The following TONSL variants were observed in gnomAD, a reference collection of about 807,000 sequenced individuals.
TONSL encodes tonsoku like, DNA repair protein, also known as tonsoku-like protein.
In TONSL, 112 loss-of-function variants were observed where a neutral mutation model predicts 147.1. The ratio of observed to expected loss-of-function variants is 0.76; its 90% CI spans 0.65 to 0.89. The LOEUF is 0.89. Among genes scored for constraint, TONSL ranks in the 40% least tolerant of loss-of-function variants. The pLI is 0.00. For missense variants in TONSL, 1,883 were observed against 1,864.6 expected, an observed-to-expected ratio of 1.01 and a Z score of -0.18; for synonymous variants, 868 against 801.5, an observed-to-expected ratio of 1.08 and a Z score of -1.40.
chr8:144,441,360 AG>A, intron 7 of TONSL: 1 of 486,204 alleles, frequency 2.1e-6, no homozygotes, highest in East Asian at 3.6e-5. Flanking sequence ...TGGGAGGCCG[AG>A]GCGGGCAGAT....
rs752664651 is a variant in TONSL, at chr8:144,438,507, C to T, written c.1617G>A (p.Glu539=). ...GGTCCTGGACGCGGCGCAGCTGGCC[C>T]TCGATGCAGGCTCGGTGCAGCAGGG... is the stretch of plus-strand genomic sequence containing the variant. ...GETLLHRACI[E]GQLRRVQDLV... The change falls in exon 13 of 26, where the codon GAG becomes GAA. Residue 539 remains glutamate, a synonymous_variant. Coordinates refer to ENST00000409379, the MANE Select transcript of TONSL (RefSeq NM_013432.5). 2 of 1,613,178 alleles carry T rather than the reference C, an allele frequency of 1.2e-6. No homozygotes were observed. Among genetic ancestry groups the T allele is most frequent in the Non-Finnish European group, 1.7e-6 (2 of 1,179,964 alleles).
rs1294351283 is a variant in TONSL, at chr8:144,430,515, G to A, written c.3832C>T (p.Leu1278Phe). 1.9e-6 allele frequency: 3 copies of A among 1,612,914 alleles called. No homozygotes were observed. Among genetic ancestry groups the A allele is most frequent in the Non-Finnish European group, 2.5e-6 (3 of 1,179,542 alleles). The change falls in exon 25 of 26, where the codon CTC becomes TTC. Residue 1278 changes from leucine to phenylalanine, a missense_variant. Coordinates refer to ENST00000409379, the MANE Select transcript of TONSL (RefSeq NM_013432.5). ...TTGGCAGACAGATCCAGTGAGATGA[G>A]TGAGGGGCACAGAGAGAGACATCTG... ...LCRCLSLCPS[L>F]ISLDLSANPE...
rs140867880 is a variant in TONSL at position 144,434,227 on chromosome 8, C to T, written c.3138G>A (p.Ser1046=). 1.1e-4 allele frequency: 164 copies of T among 1,549,674 alleles called. No individual in the cohort carries two copies. The African/African-American group carries it at 1.6e-3, about 15-fold the overall frequency. ...CCAGGGCCAGGGAGCAGGCGCTGAA[C>T]GAGAGGCCCAAGCCCTGGAGCTCCA... is the stretch of plus-strand genomic sequence containing the variant. The part of the protein sequence containing the change: ...QAVELQGLGL[S]FSACSLALDQ... The change falls in exon 21 of 26, where the codon TCG becomes TCA. Residue 1046 remains serine (S), a synonymous_variant. Coordinates refer to ENST00000409379, the MANE Select transcript of TONSL (RefSeq NM_013432.5).
In TONSL at chr8:144,428,796, T is replaced by TA. The variant is rs199526109; in HGVS notation, c.*346_*347insT. 7,316 of 130,350 alleles carry TA rather than the reference T, an allele frequency of 0.056. 423 individuals carry two copies. The highest frequency in any genetic ancestry group is 0.22 in the East Asian group (1,361 of 6,324). 8.1% of individuals were successfully genotyped at this position (130,350 alleles called of 1,614,324 possible). A position where few individuals can be genotyped will look rare whatever the true frequency, so the allele number is the denominator to read the frequency against. ...GGCAGCAGCTTCATTTATTTTATTT[T>TA]TTTTTTTTTTTGAGACGGAGTCTCG... On this transcript the variant is annotated 3_prime_UTR_variant, in exon 26 of 26. Coordinates refer to ENST00000409379, the MANE Select transcript of TONSL (RefSeq NM_013432.5).
rs184800365 is a variant in TONSL, at chr8:144,438,855, G to C, written c.1481-120C>G. On this transcript the variant is annotated intron_variant, in intron 11 of 25. Coordinates refer to ENST00000409379, the MANE Select transcript of TONSL (RefSeq NM_013432.5). ...AAGGAGCCAGAGACGGGAGGGCTGA[G>C]CTCTGAGGCTGCTGGGCTCTGGGGG... 2.9e-6 allele frequency: 3 copies of C among 1,035,198 alleles called. No homozygotes were observed. In the East Asian group the frequency reaches 7.8e-5, roughly 27 times the overall value. 64.1% of individuals were successfully genotyped at this position (1,035,198 alleles called of 1,614,324 possible). A position where few individuals can be genotyped will look rare whatever the true frequency, so the allele number is the denominator to read the frequency against.
Position 144,442,664 on chromosome 8 carries a change from G to A in TONSL, c.578+13C>T, listed in dbSNP as rs2129696578. On this transcript the variant is annotated intron_variant, in intron 5 of 25. Transcript: ENST00000409379. The stretch of plus-strand genomic sequence containing the variant: ...GGGACTCCACTCCCTCCTGGGGCGG[G>A]GCAGGGCCTTACTCCGCAAGGAAGA... The A allele has an allele frequency of 6.2e-7, 1 of 1,611,094 alleles. No individual in the cohort carries two copies. The highest frequency in any genetic ancestry group is 8.5e-7 in the Non-Finnish European group (1 of 1,179,076).
At chr8:144,433,843 C>T in intron 21 of TONSL, 84 bp from the exon 22 acceptor site, 1 of 1,479,808 alleles carries the variant, frequency 6.8e-7, no homozygotes, top group Non-Finnish European at 9.0e-7. Flanking sequence ...CAGTCTCTTC[C>T]CCACCTTGCC....
chr8:144,432,046 T>C lies in TONSL; in HGVS notation c.3735+239A>G, dbSNP rs372540977. ...TTTCACCATGTTGGCCAGGCTGCTT[T>C]TGAACTCCTGACCTTGTGATCCACC... On this transcript the variant is annotated intron_variant, in intron 23 of 25. Coordinates refer to ENST00000409379, the MANE Select transcript of TONSL (RefSeq NM_013432.5). Among the ~76,000 whole-genome samples the C allele has an allele frequency of 2.6e-4, 39 of 152,032 alleles. No homozygotes were observed. The South Asian group carries it at 7.5e-3, about 29-fold the overall frequency.
chr8:144,435,537 G>A lies in TONSL; in HGVS notation c.2789C>T (p.Pro930Leu). The A allele has an allele frequency of 6.4e-7, 1 of 1,551,470 alleles. No homozygotes were observed. ...TTGAACTCGAACCCGGATGGGAGGG[G>A]GCGGGGCCGGACCCTGGCAGGTGAA... is the stretch of plus-strand genomic sequence containing the variant. ...AAGQPLGPAP[P>L]PPIRVRVQVQ... The change falls in exon 18 of 26, where the codon CCC (proline) becomes CTC (leucine). Residue 930 changes from proline (P) to leucine (L), a missense_variant. Coordinates refer to ENST00000409379, the MANE Select transcript of TONSL (RefSeq NM_013432.5).
intron 4 of TONSL, 139 bp from the exon 5 acceptor site, chr8:144,442,945 T>C (rs1823776122): frequency 7.7e-7 from 1 of 1,301,388 alleles, no homozygotes; most frequent in Non-Finnish European, 1.0e-6. Flanking sequence ...CTGCGGCAGA[T>C]GGAGCACAGA....
Position 144,434,146 on chromosome 8 carries a change from C to G in TONSL, c.3219G>C (p.Arg1073=), listed in dbSNP as rs782141725. Residue 1073 remains arginine (R), a synonymous_variant, in exon 21 of 26, where the codon CGG becomes CGC. Transcript: ENST00000409379. The stretch of plus-strand genomic sequence containing the variant: ...GCCGGTTCCCTGCCAGGCGCAGCTC[C>G]CGGAGTGCTGTGTGCAGCTTGAGGG... ...LRALKLHTAL[R]ELRLAGNRLG... 74 of 1,611,522 alleles carry G rather than the reference C, an allele frequency of 4.6e-5. No homozygotes were observed. Among genetic ancestry groups the G allele is most frequent in the Non-Finnish European group, 5.6e-5 (66 of 1,179,266 alleles).
Position 144,440,119 on chromosome 8 carries a change from A to G in TONSL, c.1382T>C (p.Val461Ala), listed in dbSNP as rs975688228. ...ETETRLRELS[V>A]AEDEDEEEEA... ...CTCCTCCTCATCTTCATCTTCAGCT[A>G]CACTGAGCTCCCGTAGTCTGGTTTC... The change falls in exon 11 of 26, where the codon GTA (valine) becomes GCA (alanine). Residue 461 changes from valine (V) to alanine (A), a missense_variant. By Grantham distance (64) the Val-to-Ala change is moderately conservative. Coordinates refer to ENST00000409379, the MANE Select transcript of TONSL (RefSeq NM_013432.5). 6 of 1,612,078 alleles carry G rather than the reference A, an allele frequency of 3.7e-6. No individual in the cohort carries two copies. The African/African-American group carries it at 4.0e-5, about 11-fold the overall frequency.
At position 144,436,863 on chromosome 8, in the gene TONSL, C is replaced by T; in HGVS notation, c.1784G>A (p.Gly595Asp). ...GTGGAGGGGGGTGATGCCTTCGCAGCCCTGGCCACCTGGGTCGTCCACTGC... is the reference window on the plus strand; with the variant it reads ...GTGGAGGGGGGTGATGCCTTCGCAGTCCTGGCCACCTGGGTCGTCCACTGC... ...GAAVDDPGGQ[G>D]CEGITPLHDA... is the part of the protein sequence containing the mutation. Residue 595 changes from glycine to aspartate, a missense_variant, in exon 15 of 26, where the codon GGC becomes GAC. By Grantham distance (94) the Gly-to-Asp change is moderately conservative. Transcript: ENST00000409379. 6.2e-7 allele frequency: 1 copy of T among 1,610,120 alleles called. No homozygotes were observed. The highest frequency in any genetic ancestry group is 8.5e-7 in the Non-Finnish European group (1 of 1,179,844).
At chr8:144,432,987 C>A (rs556389606) in intron 22 of TONSL, 1 of 155,986 alleles carries the variant, frequency 6.4e-6, no homozygotes, top group Admixed American at 6.2e-5. Context: ...AGACGCCCCT[C>A]GGAGGCAGAC....
chr8:144,442,823 C>G lies in TONSL; in HGVS notation c.449-17G>C, dbSNP rs769030259. On this transcript the variant is annotated splice_polypyrimidine_tract_variant and intron_variant, in intron 4 of 25. Transcript: ENST00000409379. ...CCAGTGTCCCTGGAAGATACCCCCC[C>G]AAACACTCAGCCACTTCCTCCCCAC... The G allele has an allele frequency of 8.1e-6, 13 of 1,604,950 alleles. No individual in the cohort carries two copies. In the South Asian group the frequency reaches 1.2e-4, roughly 15 times the overall value.
intron 21 of TONSL, 102 bp from the exon 22 acceptor site, chr8:144,433,861 G>A: frequency 6.8e-7 from 1 of 1,465,674 alleles, no homozygotes; most frequent in African/African-American, 1.4e-5. Flanking sequence ...GCCTGGCATA[G>A]CCTATTACAG....
chr8:144,444,236 T>C lies in TONSL; in HGVS notation c.65A>G (p.Gln22Arg). 1 of 1,456,620 alleles carries C rather than the reference T, an allele frequency of 6.9e-7. No homozygotes were observed. Among genetic ancestry groups the C allele is most frequent in the Non-Finnish European group, 9.0e-7 (1 of 1,107,072 alleles). The allele number at this position is 1,456,620 out of a possible 1,614,324, so 90.2% of individuals were successfully genotyped here. A position where few individuals can be genotyped will look rare whatever the true frequency, so the allele number is the denominator to read the frequency against. The stretch of plus-strand genomic sequence containing the variant: ...GCACAGCGCGGCCTCTTCGCGCCGC[T>C]GCCCGGCCCTCTGCGCCTTGGCTTT... ...KAKAKAQRAG[Q>R]RREEAALCHQ... Residue 22 changes from glutamine to arginine, a missense_variant, in exon 2 of 26, where the codon CAG becomes CGG. By Grantham distance (43) the Gln-to-Arg change is conservative. Coordinates refer to ENST00000409379, the MANE Select transcript of TONSL (RefSeq NM_013432.5).
chr8:144,437,740 A>C (rs1442137250), intron 13 of TONSL: 2 of 154,152 alleles, frequency 1.3e-5, no homozygotes, highest in African/African-American at 4.8e-5. Flanking sequence ...AGTAGCTGGG[A>C]CTACAGGTAT....
intron 12 of TONSL, 44 bp from the exon 13 acceptor site, chr8:144,438,604 C>A (rs1473135907): frequency 6.3e-7 from 1 of 1,581,524 alleles, no homozygotes; most frequent in African/African-American, 1.3e-5. Context: ...GCGTGAGGAG[C>A]TGGCAGGGCT....
Sources: gnomAD v4.1 joint callset for allele counts (sites outside exome capture counted in the v4.1 genomes callset) on GRCh38, gnomAD v4.1.1 for gene constraint, MANE v1.5 for transcripts, NCBI Gene and HGNC (gene_info 2026-07-23, HGNC 2026-07-21) for gene names.